Variants in PBRM1 observed in about 807,000 individuals in gnomAD.
PBRM1 encodes protein polybromo-1.
PBRM1 carries 27 observed loss-of-function variants against 194.5 expected under a neutral mutation model. That is an observed-to-expected ratio of 0.14 (90% CI 0.10 to 0.19). The LOEUF (loss-of-function observed/expected upper bound fraction) is 0.19, where lower values mean the gene tolerates loss of function less well. Ranked by LOEUF, PBRM1 falls within the 10% of genes least tolerant of loss-of-function variation. The pLI is 1.00. For missense variants in PBRM1, 1,466 were observed against 2,077.2 expected (o/e 0.71, Z 5.72); for synonymous variants, 655 against 693.2 (o/e 0.94, Z 0.87).
At chr3:52,553,102 G>A (rs1198026227) in intron 27 of PBRM1, among the ~76,000 whole-genome samples, 1 of 152,134 alleles carries the variant, frequency 6.6e-6, no homozygotes, top group Non-Finnish European at 1.5e-5. Flanking sequence ...CCCTATCACT[G>A]GTAGGTCCAA....
At chr3:52,611,531 C>G (rs779292531) in intron 15 of PBRM1, among the ~76,000 whole-genome samples, 6 of 152,150 alleles carry the variant, frequency 3.9e-5, no homozygotes, top group Non-Finnish European at 5.9e-5. Flanking sequence ...GGGCCAGGAG[C>G]TGTGGCTCAT....
chr3:52,625,078 A>G lies in PBRM1; in HGVS notation c.1541+2195T>C, dbSNP rs2095404898. ...CCAAAGACAATATTTGAAACATTTC[A>G]ACAAGGAAGACAGATGTTGGCAGAA... On this transcript the variant is annotated intron_variant, in intron 13 of 29. Coordinates refer to ENST00000296302, the Ensembl canonical transcript of PBRM1. The G allele has an allele frequency of 4.4e-6, 3 of 682,224 alleles. No individual in the cohort carries two copies. In the Admixed American group the frequency reaches 6.9e-5, roughly 16 times the overall value. The allele number at this position is 682,224 out of a possible 1,614,324, so 42.3% of individuals were successfully genotyped here. A position where few individuals can be genotyped will look rare whatever the true frequency, so the allele number is the denominator to read the frequency against.
At chr3:52,564,946 C>A (rs1003929530) in intron 22 of PBRM1, among the ~76,000 whole-genome samples, 2 of 152,126 alleles carry the variant, frequency 1.3e-5, no homozygotes, top group African/African-American at 4.8e-5. Context: ...TGCCTGTAAT[C>A]CCAGTACTTT....
intron 2 of PBRM1, among the ~76,000 whole-genome samples, chr3:52,676,891 G>C (rs1323195534): frequency 1.3e-5 from 2 of 152,190 alleles, no homozygotes; most frequent in South Asian, 4.1e-4. Context: ...TTTTAGCAAA[G>C]AGACTGGGGC....
intron 25 of PBRM1, chr3:52,560,650 G>A (rs1373239743): frequency 2.0e-5 from 3 of 152,134 alleles, no homozygotes; most frequent in African/African-American, 2.4e-5. Context: ...CACACATACG[G>A]GAATATGCAC....
chr3:52,678,536 A>G (rs758577145), exon 2 of PBRM1: 1 of 1,613,734 alleles, frequency 6.2e-7, no homozygotes, highest in Admixed American at 1.7e-5. Flanking sequence ...CTCACAGAGA[A>G]GTCTGCCCTG....
intron 20 of PBRM1, among the ~76,000 whole-genome samples, chr3:52,582,038 T>G (rs1459752386): frequency 6.6e-6 from 1 of 151,572 alleles, no homozygotes; most frequent in African/African-American, 2.4e-5. Context: ...AGGTCAGGAG[T>G]TCAAGACCAG....
intron 13 of PBRM1, among the ~76,000 whole-genome samples, chr3:52,624,314 G>A (rs1348996370): frequency 6.6e-6 from 1 of 152,222 alleles, no homozygotes; most frequent in Non-Finnish European, 1.5e-5. Flanking sequence ...GATACTCTGT[G>A]AATGTCAGAC....
At chr3:52,618,223 A>G (rs1019894804) in intron 13 of PBRM1, among the ~76,000 whole-genome samples, 1 of 152,160 alleles carries the variant, frequency 6.6e-6, no homozygotes, top group East Asian at 1.9e-4. Flanking sequence ...TTGAGCATGA[A>G]TCCGTCTTGT....
upstream of PBRM1, chr3:52,685,871 C>T (rs928964678): frequency 3.7e-6 from 2 of 536,524 alleles, no homozygotes; most frequent in African/African-American, 2.0e-5. Context: ...TCGGCACCCG[C>T]CGCCCTCACC....
At chr3:52,676,390 G>A (rs11510435) in intron 2 of PBRM1, among the ~76,000 whole-genome samples, 17,178 of 152,078 alleles carry the variant, frequency 0.11, 2,569 homozygotes, top group African/African-American at 0.35. Context: ...TGCTATTCTC[G>A]TGATAGTGAT....
intron 17 of PBRM1, among the ~76,000 whole-genome samples, chr3:52,602,083 G>A (rs1425394393): frequency 6.6e-6 from 1 of 152,188 alleles, no homozygotes; most frequent in East Asian, 1.9e-4. Context: ...ACATGTACGT[G>A]ATCAATCAGT....
chr3:52,579,326 A>C, intron 20 of PBRM1, 127 bp from the exon 23 acceptor site: 1 of 838,412 alleles, frequency 1.2e-6, no homozygotes, highest in Non-Finnish European at 1.9e-6. Flanking sequence ...TACGTGGCTC[A>C]CGTAATCCCA....
In PBRM1 at chr3:52,609,111, A is replaced by C; in HGVS notation, c.2567+202T>G. 1 of 501,684 alleles carries C rather than the reference A, an allele frequency of 2.0e-6. No homozygotes were observed. 31.1% of individuals were successfully genotyped at this position (501,684 alleles called of 1,614,324 possible). A position where few individuals can be genotyped will look rare whatever the true frequency, so the allele number is the denominator to read the frequency against. On this transcript the variant is annotated intron_variant, in intron 16 of 29. Transcript: ENST00000296302. This position sits in a 1 kb window ranked among gnomAD's most constrained non-coding sequence, Gnocchi z 4.1. ...TCTTCCTCCTCACTGGCCTTAAACT[A>C]GATGACTTAGTGGTGTGCCTTCTCT...
chr3:52,681,415 T>C (rs1208424145), upstream of PBRM1: 10 of 152,520 alleles, frequency 6.6e-5, no homozygotes, highest in Admixed American at 6.5e-4. Flanking sequence ...AGTTTGAAGT[T>C]GGCTAAAAGT....
chr3:52,574,595 G>C (rs1159772851), intron 22 of PBRM1, among the ~76,000 whole-genome samples: 1 of 152,146 alleles, frequency 6.6e-6, no homozygotes, highest in Non-Finnish European at 1.5e-5. Context: ...ATTCCTGGGA[G>C]CCTAGAAGGC....
intron 17 of PBRM1, among the ~76,000 whole-genome samples, chr3:52,596,354 C>T (rs2093543505): frequency 7.4e-6 from 1 of 135,324 alleles, no homozygotes; most frequent in African/African-American, 2.7e-5. Flanking sequence ...AGGAGAATTG[C>T]TTGAACCCAG....
At chr3:52,605,438 A>G (rs1330581702) in intron 16 of PBRM1, among the ~76,000 whole-genome samples, 1 of 152,194 alleles carries the variant, frequency 6.6e-6, no homozygotes, top group Non-Finnish European at 1.5e-5. Context: ...TTACAGAGAC[A>G]TTCTGGTCAG....
intron 11 of PBRM1, among the ~76,000 whole-genome samples, chr3:52,631,796 A>C (rs997128681): frequency 2.0e-5 from 3 of 152,202 alleles, no homozygotes; most frequent in Non-Finnish European, 4.4e-5. Context: ...AAGTCTAAGA[A>C]TTTTTATTGA....
Sources: allele counts gnomAD v4.1 joint callset (sites outside exome capture counted in the v4.1 genomes callset), GRCh38; gene constraint gnomAD v4.1.1; non-coding constraint Gnocchi (gnomAD v3.1); transcripts MANE v1.5; gene names NCBI Gene and HGNC (gene_info 2026-07-23, HGNC 2026-07-21).